The following SYT14 variants were observed in gnomAD, a reference collection of about 807,000 sequenced individuals.
The protein encoded by SYT14 is synaptotagmin 14.
Under a neutral mutation model 74.2 loss-of-function variants are expected in SYT14, and 32 were observed. The ratio of observed to expected loss-of-function variants is 0.43; its 90% CI spans 0.33 to 0.58. The LOEUF (loss-of-function observed/expected upper bound fraction) is 0.58. Ranked by LOEUF, SYT14 falls within the 20% of genes least tolerant of loss-of-function variation. The pLI is 0.05. For synonymous variants in SYT14, 298 were observed against 337.7 expected, an observed-to-expected ratio of 0.88 and a Z score of 1.29; for missense variants, 791 against 981.8, an observed-to-expected ratio of 0.81 and a Z score of 2.60.
At chr1:210,102,918 T>C (rs935031250) in intron 7 of SYT14, among the ~76,000 whole-genome samples, 2 of 152,078 alleles carry the variant, frequency 1.3e-5, no homozygotes, top group Non-Finnish European at 2.9e-5. Context: ...CCTGAAGCGA[T>C]TCTCCCATGT....
chr1:209,956,806 TTAAG>T (rs1383833557), intron 2 of SYT14, among the ~76,000 whole-genome samples: 1 of 152,164 alleles, frequency 6.6e-6, no homozygotes, highest in African/African-American at 2.4e-5. Context: ...GTGAGAAAAT[TTAAG>T]GCTAGGTAGA....
At chr1:210,037,013 C>T (rs1321241308) in intron 5 of SYT14, among the ~76,000 whole-genome samples, 1 of 151,876 alleles carries the variant, frequency 6.6e-6, no homozygotes, top group African/African-American at 2.4e-5. Context: ...GGTATCAGTT[C>T]TTTGTATGTC....
chr1:209,952,987 T>C, intron 2 of SYT14: 1 of 1,401,254 alleles, frequency 7.1e-7, no homozygotes, highest in Non-Finnish European at 9.6e-7. Flanking sequence ...GCCTGGTTTC[T>C]AGCATATTGG....
At chr1:210,152,552 ATCT>A (rs753419396) in intron 7 of SYT14, among the ~76,000 whole-genome samples, 5 of 152,034 alleles carry the variant, frequency 3.3e-5, no homozygotes, top group Non-Finnish European at 5.9e-5. Context: ...CTTTTCTTAA[ATCT>A]TCTTTCTTGC....
chr1:210,168,350 C>A (rs942293217), exon 10 of SYT14: 1 of 152,100 alleles, frequency 6.6e-6, no homozygotes, highest in Non-Finnish European at 1.5e-5. Flanking sequence ...GACCCTTCTT[C>A]ACCCTCTTCT....
chr1:209,990,548 T>TAC (rs59238920), intron 2 of SYT14, among the ~76,000 whole-genome samples: 46,457 of 67,354 alleles, frequency 0.69, 18,016 homozygotes, highest in African/African-American at 0.86. Flanking sequence ...CGTATATATA[T>TAC]GTATATATAT....
chr1:210,042,721 T>G (rs1391982686), intron 5 of SYT14, among the ~76,000 whole-genome samples: 1 of 152,208 alleles, frequency 6.6e-6, no homozygotes, highest in Non-Finnish European at 1.5e-5. Flanking sequence ...ATGTATCTGT[T>G]TTGGTACCAG....
intron 5 of SYT14, among the ~76,000 whole-genome samples, chr1:210,043,838 T>C (rs1370642383): frequency 1.3e-5 from 2 of 152,170 alleles, no homozygotes; most frequent in Non-Finnish European, 2.9e-5. Flanking sequence ...ACAGTATATA[T>C]GGTATTTAAA....
intron 5 of SYT14, among the ~76,000 whole-genome samples, chr1:210,079,119 T>G (rs150184572): frequency 3.3e-5 from 5 of 152,080 alleles, no homozygotes; most frequent in Non-Finnish European, 7.4e-5. Context: ...TTAGCCTGAG[T>G]AGATGCCTTG....
chr1:210,039,378 C>A (rs942059146), intron 5 of SYT14, among the ~76,000 whole-genome samples: 2 of 151,810 alleles, frequency 1.3e-5, no homozygotes, highest in Non-Finnish European at 2.9e-5. Context: ...CTGCCTCAGC[C>A]CCAATCAAGA....
chr1:210,050,938 C>G (rs868750897), intron 5 of SYT14, among the ~76,000 whole-genome samples: 5 of 152,298 alleles, frequency 3.3e-5, no homozygotes, highest in South Asian at 2.1e-4. Flanking sequence ...GTCTTGAGTC[C>G]TTTCTTCCTT....
At chr1:210,072,796 G>A (rs755483311) in intron 5 of SYT14, among the ~76,000 whole-genome samples, 1 of 151,748 alleles carries the variant, frequency 6.6e-6, no homozygotes. Context: ...GTTTTAAAAT[G>A]CAAATGATAC....
At chr1:210,025,828 T>G (rs1204395622) in intron 5 of SYT14, among the ~76,000 whole-genome samples, 1 of 152,204 alleles carries the variant, frequency 6.6e-6, no homozygotes, top group Non-Finnish European at 1.5e-5. Flanking sequence ...GTTGATTTTT[T>G]TAACCCAAAG....
exon 3 of SYT14, chr1:210,013,648 T>C (rs1288346839): frequency 1.9e-6 from 3 of 1,612,980 alleles, no homozygotes; most frequent in South Asian, 2.2e-5. Context: ...CCAGAGGCAG[T>C]TGGATTTTTG....
At chr1:210,075,758 C>T (rs1348306273) in intron 5 of SYT14, among the ~76,000 whole-genome samples, 3 of 152,084 alleles carry the variant, frequency 2.0e-5, no homozygotes, top group Non-Finnish European at 4.4e-5. Flanking sequence ...CACAGGCCTG[C>T]GGGGGTAGAG....
At chr1:210,016,050 C>G (rs2080175992) in exon 4 of SYT14, 8 of 1,232,090 alleles carry the variant, frequency 6.5e-6, no homozygotes, top group Non-Finnish European at 7.1e-6. Context: ...TCAGTGTCCT[C>G]TCTAGTAGAC....
At chr1:209,952,976 A>C in intron 2 of SYT14, 1 of 1,361,626 alleles carries the variant, frequency 7.3e-7, no homozygotes. Context: ...GGGCTAATAA[A>C]GCCTGGTTTC....
chr1:210,169,963 C>CTTTCATTTTTTCAGGCAAGAAG (rs2083505796), exon 10 of SYT14: 1 of 151,400 alleles, frequency 6.6e-6, no homozygotes, highest in Non-Finnish European at 1.5e-5. Context: ...TTCCTTCCCT[C>CTTTCATTTTTTCAGGCAAGAAG]CCTCCTTCCT....
intron 2 of SYT14, among the ~76,000 whole-genome samples, chr1:209,989,659 T>A (rs1044970108): frequency 2.0e-5 from 3 of 152,206 alleles, no homozygotes; most frequent in African/African-American, 7.2e-5. Context: ...ATAATGTGTA[T>A]TATATTTACG....
Sources: allele counts gnomAD v4.1 joint callset (sites outside exome capture counted in the v4.1 genomes callset), GRCh38; gene constraint gnomAD v4.1.1; transcripts MANE v1.5; gene names NCBI Gene and HGNC (gene_info 2026-07-23, HGNC 2026-07-21).